The following ATP8B4 variants were observed in gnomAD, a reference collection of about 807,000 sequenced individuals.
The protein encoded by ATP8B4 is ATPase phospholipid transporting 8B4 (putative), also known as probable phospholipid-transporting ATPase IM.
Under a neutral mutation model 145.6 loss-of-function variants are expected in ATP8B4, and 133 were observed. The observed-to-expected ratio is 0.91, with a 90% CI of 0.79 to 1.05. The LOEUF (loss-of-function observed/expected upper bound fraction) is 1.05. Among genes scored for constraint, ATP8B4 ranks in the 50% least tolerant of loss-of-function variants. The pLI is 0.00. For synonymous variants in ATP8B4, 507 were observed against 492.9 expected (o/e 1.03, Z -0.38); for missense variants, 1,458 against 1,425.2 (o/e 1.02, Z -0.37).
At position 50,053,716 on chromosome 15, in the gene ATP8B4, G is replaced by T. The variant is rs143546503; in HGVS notation, c.88-6252C>A. ...ATATTTCCAGCATTTACTACTTGGT[G>T]GGGGGGTGGGGTGAAGGTGGGGAAT... On this transcript the variant is annotated intron_variant, in intron 3 of 27. Coordinates refer to ENST00000284509, the MANE Select transcript of ATP8B4 (RefSeq NM_024837.4). 7.9e-5 allele frequency among the ~76,000 whole-genome samples: 12 copies of T among 152,040 alleles called. No individual in the cohort carries two copies. The East Asian group carries it at 2.3e-3, about 29-fold the overall frequency.
intron 3 of ATP8B4, among the ~76,000 whole-genome samples, chr15:50,054,012 G>T (rs1487253836): frequency 1.3e-5 from 2 of 152,190 alleles, no homozygotes; most frequent in Non-Finnish European, 2.9e-5. Flanking sequence ...TCATGGAAAT[G>T]AGAGCATAGA....
At chr15:49,883,341 C>A (rs2035721246) in intron 23 of ATP8B4, 1 of 152,140 alleles carries the variant, frequency 6.6e-6, no homozygotes, top group South Asian at 2.1e-4. Flanking sequence ...ACTTATTTGA[C>A]AACTATCAGC....
At chr15:50,131,574 T>C (rs755600954) in intron 1 of ATP8B4, among the ~76,000 whole-genome samples, 3 of 152,158 alleles carry the variant, frequency 2.0e-5, no homozygotes, top group Non-Finnish European at 4.4e-5. Context: ...TGATTCTTCA[T>C]TTATATGCTA....
intron 16 of ATP8B4, among the ~76,000 whole-genome samples, chr15:49,924,229 A>G (rs757388496): frequency 6.6e-5 from 10 of 152,104 alleles, no homozygotes; most frequent in South Asian, 6.3e-4. Flanking sequence ...CTGTTAGACA[A>G]AGCTTTCTTT....
At chr15:50,017,123 T>C (rs2049150952) in intron 6 of ATP8B4, among the ~76,000 whole-genome samples, 1 of 152,264 alleles carries the variant, frequency 6.6e-6, no homozygotes, top group African/African-American at 2.4e-5. Flanking sequence ...CATGAATCTT[T>C]GTGCTTCCCC....
intron 6 of ATP8B4, among the ~76,000 whole-genome samples, chr15:50,028,535 G>A (rs746855612): frequency 3.3e-5 from 5 of 152,120 alleles, no homozygotes; most frequent in Non-Finnish European, 7.4e-5. Context: ...TTCCTAATGA[G>A]ATGAGTCATT....
At chr15:50,071,027 C>A (rs371408740) in intron 3 of ATP8B4, among the ~76,000 whole-genome samples, 1 of 152,306 alleles carries the variant, frequency 6.6e-6, no homozygotes, top group East Asian at 1.9e-4. Context: ...AGGCATGAAT[C>A]ACCATGCCCA....
intron 20 of ATP8B4, among the ~76,000 whole-genome samples, chr15:49,903,850 C>T (rs532213176): frequency 5.5e-4 from 83 of 151,292 alleles, no homozygotes; most frequent in Middle Eastern, 3.4e-3. Context: ...GCCAAGATGG[C>T]GCCATTGCAC....
chr15:49,971,921 C>T (rs1279058766), intron 13 of ATP8B4, among the ~76,000 whole-genome samples: 1 of 152,132 alleles, frequency 6.6e-6, no homozygotes, highest in Non-Finnish European at 1.5e-5. Flanking sequence ...CACATATACA[C>T]CATGAAATAC....
At chr15:49,908,100 G>A (rs986094489) in intron 20 of ATP8B4, 4 of 455,892 alleles carry the variant, frequency 8.8e-6, no homozygotes, top group Admixed American at 2.4e-5. Context: ...TAATGCCTAC[G>A]ATTGAGTTTC....
chr15:49,894,955 A>G (rs979525403), intron 23 of ATP8B4: 1 of 152,210 alleles, frequency 6.6e-6, no homozygotes, highest in Non-Finnish European at 1.5e-5. Flanking sequence ...TCTTTTCCTC[A>G]AGGAGCTAAT....
At chr15:50,097,276 C>A (rs1309502664) in intron 2 of ATP8B4, among the ~76,000 whole-genome samples, 2 of 152,074 alleles carry the variant, frequency 1.3e-5, no homozygotes, top group African/African-American at 4.8e-5. Context: ...TTATCACCCT[C>A]TATCAAAGGA....
chr15:49,866,064 G>A (rs2032737136), intron 26 of ATP8B4, among the ~76,000 whole-genome samples: 2 of 152,170 alleles, frequency 1.3e-5, no homozygotes, highest in Non-Finnish European at 2.9e-5. Context: ...TAGCCCTAAT[G>A]TATGTGCTAT....
intron 15 of ATP8B4, among the ~76,000 whole-genome samples, chr15:49,932,992 G>A (rs180749777): frequency 1.3e-4 from 20 of 152,054 alleles, no homozygotes; most frequent in African/African-American, 3.6e-4. Context: ...CAATATCTAG[G>A]TGGCCTGAAA....
intron 6 of ATP8B4, among the ~76,000 whole-genome samples, chr15:50,024,317 C>A (rs562836529): frequency 6.6e-6 from 1 of 152,206 alleles, no homozygotes; most frequent in East Asian, 1.9e-4. Context: ...TCCCTTTTGG[C>A]AGAGCTTTAA....
intron 1 of ATP8B4, among the ~76,000 whole-genome samples, chr15:50,149,464 G>A (rs946227127): frequency 2.0e-5 from 3 of 152,134 alleles, no homozygotes; most frequent in African/African-American, 7.2e-5. Context: ...ATGTGTATGT[G>A]CACTAAGCCT....
chr15:50,135,573 G>A (rs2044110156), intron 1 of ATP8B4, among the ~76,000 whole-genome samples: 1 of 152,092 alleles, frequency 6.6e-6, no homozygotes, highest in South Asian at 2.1e-4. Context: ...AACTAAGTAT[G>A]GGGAACAAAC....
chr15:50,171,901 C>T (rs1033409875), intron 1 of ATP8B4, among the ~76,000 whole-genome samples: 1 of 152,132 alleles, frequency 6.6e-6, no homozygotes, highest in Admixed American at 6.5e-5. Context: ...ACTGACACCA[C>T]TGAAATGCAA....
intron 14 of ATP8B4, among the ~76,000 whole-genome samples, chr15:49,949,213 T>C (rs183621989): frequency 1.6e-3 from 238 of 152,270 alleles, no homozygotes; most frequent in African/African-American, 5.3e-3. Context: ...AGAATGACAA[T>C]GGTAGTTTGA....
Sources: allele counts gnomAD v4.1 joint callset (sites outside exome capture counted in the v4.1 genomes callset), GRCh38; gene constraint gnomAD v4.1.1; transcripts MANE v1.5; gene names NCBI Gene and HGNC (gene_info 2026-07-23, HGNC 2026-07-21).